The following SLC38A6 variants were observed in gnomAD, a reference collection of about 807,000 sequenced individuals.
SLC38A6 encodes the protein solute carrier family 38 member 6, also known as N system amino acid transporter NAT-1.
A neutral mutation model predicts 65.0 loss-of-function variants in SLC38A6; 73 were observed. The observed-to-expected ratio is 1.12, with a 90% confidence interval of 0.93 to 1.37. The LOEUF is 1.37. Among genes scored for constraint, SLC38A6 ranks in the 40% most tolerant of loss-of-function variants. The pLI is 0.00. For synonymous variants in SLC38A6, 183 were observed against 178.8 expected (o/e 1.02, Z -0.19); for missense variants, 561 against 531.1 (o/e 1.06, Z -0.55).
intron 6 of SLC38A6, among the ~76,000 whole-genome samples, chr14:61,033,150 G>A (rs1594669977): frequency 6.6e-6 from 1 of 151,934 alleles, no homozygotes; most frequent in East Asian, 1.9e-4. Context: ...ACACAATTAA[G>A]TTGTCTTGCA....
At chr14:61,036,792 A>G (rs1488261062) in intron 6 of SLC38A6, among the ~76,000 whole-genome samples, 3 of 152,080 alleles carry the variant, frequency 2.0e-5, no homozygotes, top group Admixed American at 1.3e-4. Flanking sequence ...AATGTTGACT[A>G]TTATCTTATT....
intron 3 of SLC38A6, among the ~76,000 whole-genome samples, chr14:61,007,479 A>T (rs1454709466): frequency 6.6e-6 from 1 of 152,106 alleles, no homozygotes; most frequent in Non-Finnish European, 1.5e-5. Context: ...AAAGTAAAAA[A>T]TGAAAAGTTA....
chr14:61,067,643 C>T (rs2043069345), intron 15 of SLC38A6, among the ~76,000 whole-genome samples: 1 of 152,022 alleles, frequency 6.6e-6, no homozygotes, highest in South Asian at 2.1e-4. Context: ...ACCCTGGTTT[C>T]TAGAACCCTG....
chr14:61,052,627 T>A lies in SLC38A6; in HGVS notation c.*198T>A. The A allele has an allele frequency of 1.7e-6, 1 of 576,092 alleles. No individual in the cohort carries two copies. The highest frequency in any genetic ancestry group is 2.5e-6 in the Non-Finnish European group (1 of 392,598). The allele number at this position is 576,092 out of a possible 1,614,324, so 35.7% of individuals were successfully genotyped here. On this transcript the variant is annotated 3_prime_UTR_variant, in exon 16 of 16. Coordinates refer to ENST00000267488, the MANE Select transcript of SLC38A6 (RefSeq NM_153811.3). The stretch of plus-strand genomic sequence containing the variant: ...AAAAGAAACAAACTCGAAATGCTCT[T>A]AAATATATTGGGTTGATCTTTTGTT...
At chr14:61,078,155 T>C (rs2043493505) in intron 15 of SLC38A6, among the ~76,000 whole-genome samples, 1 of 152,238 alleles carries the variant, frequency 6.6e-6, no homozygotes, top group Non-Finnish European at 1.5e-5. Flanking sequence ...CTGTGCGTGC[T>C]TGTTGAAAGA....
chr14:61,030,556 A>G (rs766824248), intron 6 of SLC38A6, 33 bp downstream of exon 6: 24 of 1,449,936 alleles, frequency 1.7e-5, no homozygotes, highest in Non-Finnish European at 2.2e-5. Flanking sequence ...GTGTCCGTTC[A>G]TGTATTAATT....
intron 15 of SLC38A6, among the ~76,000 whole-genome samples, chr14:61,063,010 AT>A (rs893031562): frequency 4.6e-5 from 7 of 151,490 alleles, no homozygotes; most frequent in Non-Finnish European, 7.4e-5. Context: ...TTTTGCAAAG[AT>A]TTTTTTTTCC....
At chr14:61,066,040 C>G (rs1484586440) in intron 15 of SLC38A6, among the ~76,000 whole-genome samples, 1 of 152,142 alleles carries the variant, frequency 6.6e-6, no homozygotes, top group African/African-American at 2.4e-5. Context: ...AGAATTAGCC[C>G]TATGTTAAAC....
chr14:61,030,263 CTGTGTGTGTGTGTG>C (rs3080609), intron 5 of SLC38A6, among the ~76,000 whole-genome samples, 168 bp from the exon 6 acceptor site: 5 of 148,844 alleles, frequency 3.4e-5, no homozygotes, highest in East Asian at 4.0e-4. Flanking sequence ...AGTTACTTTT[CTGTGTGTGTGTGTG>C]TGTGTGTGTG....
chr14:61,046,017 T>C (rs1372007599), intron 11 of SLC38A6, 50 bp from the exon 12 acceptor site: 9 of 1,148,678 alleles, frequency 7.8e-6, no homozygotes, highest in Admixed American at 7.6e-5. Flanking sequence ...CTTGTTTCTT[T>C]ACATATAATT....
chr14:61,074,387 C>T (rs2043328317), intron 15 of SLC38A6, among the ~76,000 whole-genome samples: 1 of 152,144 alleles, frequency 6.6e-6, no homozygotes, highest in Non-Finnish European at 1.5e-5. Context: ...CTGGGAAGTC[C>T]AAGAACATGG....
At chr14:61,071,104 A>G (rs2043212052) in intron 15 of SLC38A6, among the ~76,000 whole-genome samples, 2 of 152,192 alleles carry the variant, frequency 1.3e-5, no homozygotes, top group South Asian at 2.1e-4. Context: ...TTGTATCAGT[A>G]TACACAAAAC....
chr14:60,995,003 CAAAAAAAAAA>C (rs34888148), intron 3 of SLC38A6, among the ~76,000 whole-genome samples: 1 of 73,162 alleles, frequency 1.4e-5, no homozygotes, highest in Non-Finnish European at 2.9e-5. Flanking sequence ...GACTCCATCT[CAAAAAAAAAA>C]AAAAAAAAAA....
chr14:61,032,587 C>T (rs1042918368), intron 6 of SLC38A6, among the ~76,000 whole-genome samples: 1 of 151,756 alleles, frequency 6.6e-6, no homozygotes, highest in Non-Finnish European at 1.5e-5. Flanking sequence ...TTTGCATCAT[C>T]TCTGTTATGT....
intron 15 of SLC38A6, among the ~76,000 whole-genome samples, chr14:61,074,781 T>TA (rs1313165778): frequency 6.6e-6 from 1 of 151,390 alleles, no homozygotes; most frequent in African/African-American, 2.4e-5. Context: ...TCCAAAAGGA[T>TA]AAGAAGCTGC....
rs750342980 is a variant in SLC38A6 at position 60,981,254 on chromosome 14, A to G, written c.-24A>G. On this transcript the variant is annotated 5_prime_UTR_variant, in exon 1 of 16. Transcript: ENST00000267488. ...GCAGGGGTAGAGGCTCGTAGATGGA[A>G]CTGGTAGTCAGCTGGAGAGCAGCAT... The G allele has an allele frequency of 7.0e-6, 11 of 1,581,110 alleles. No individual in the cohort carries two copies. In the East Asian group the frequency reaches 1.2e-4, roughly 17 times the overall value.
Position 61,007,395 on chromosome 14 carries a change from C to G in SLC38A6, c.311-8509C>G, listed in dbSNP as rs181663355. ...CAGTAATCCCAGCACTTTGTGAGGCCAAGGTAGGAGGATGGCTTGAGTCCA... is the reference window on the plus strand; with the variant it reads ...CAGTAATCCCAGCACTTTGTGAGGCGAAGGTAGGAGGATGGCTTGAGTCCA... On this transcript the variant is annotated intron_variant, in intron 3 of 15. Coordinates refer to ENST00000267488, the MANE Select transcript of SLC38A6 (RefSeq NM_153811.3). Among the ~76,000 whole-genome samples the G allele has an allele frequency of 8.6e-4, 130 of 152,042 alleles. 2 individuals carry two copies. In the East Asian group the frequency reaches 0.024, roughly 28 times the overall value.
chr14:60,993,705 A>G (rs1244149236), intron 3 of SLC38A6, among the ~76,000 whole-genome samples: 6 of 152,358 alleles, frequency 3.9e-5, no homozygotes, highest in Non-Finnish European at 8.8e-5. Flanking sequence ...TAATCATCAT[A>G]TAGTTAAGCA....
At chr14:61,019,625 A>C in intron 5 of SLC38A6, 45 bp downstream of exon 5, 1 of 1,574,790 alleles carries the variant, frequency 6.4e-7, no homozygotes, top group South Asian at 1.1e-5. Context: ...TGTGATGGCA[A>C]TAATGTCCTT....
Sources: allele counts gnomAD v4.1 joint callset (sites outside exome capture counted in the v4.1 genomes callset), GRCh38; gene constraint gnomAD v4.1.1; transcripts MANE v1.5; gene names NCBI Gene and HGNC (gene_info 2026-07-23, HGNC 2026-07-21).